SAMD10: variants seen among roughly 807,000 people sequenced by gnomAD.
SAMD10 encodes sterile alpha motif domain-containing protein 10.
Under a neutral mutation model 22.5 loss-of-function variants are expected in SAMD10, and 16 were observed. The observed-to-expected ratio is 0.71, with a 90% confidence interval of 0.48 to 1.08. The LOEUF (loss-of-function observed/expected upper bound fraction) is 1.08. SAMD10 is among the 50% of genes least tolerant of loss of function. SAMD10 has a pLI of 0.00. For synonymous variants in SAMD10, 118 were observed against 122.2 expected, an observed-to-expected ratio of 0.97 and a Z score of 0.23; for missense variants, 227 against 281.3, an observed-to-expected ratio of 0.81 and a Z score of 1.38.
Position 63,975,687 on chromosome 20 carries a change from C to G in SAMD10, c.586+5G>C, listed in dbSNP as rs776571207. ...CCCCAGGCCTCTCTGGCACCTCACA[C>G]TGACCTTGGCTGAGCAGCTGCAGGC... On this transcript the variant is annotated splice_donor_5th_base_variant and intron_variant, in intron 4 of 4. Transcript: ENST00000369886. 1.3e-6 allele frequency: 2 copies of G among 1,596,924 alleles called. No homozygotes were observed. Among genetic ancestry groups the G allele is most frequent in the Non-Finnish European group, 1.7e-6 (2 of 1,171,582 alleles).
At chr20:63,976,826 G>C (rs1187285800) in intron 3 of SAMD10, 145 bp downstream of exon 3, 6 of 638,650 alleles carry the variant, frequency 9.4e-6, no homozygotes, top group Non-Finnish European at 1.6e-5. Context: ...AGATTCTGCG[G>C]AGATGAAGAA....
chr20:63,979,271 A>G lies in SAMD10; in HGVS notation c.91+106T>C. 2 of 737,842 alleles carry G rather than the reference A, an allele frequency of 2.7e-6. No homozygotes were observed. The highest frequency in any genetic ancestry group is 1.9e-6 in the Non-Finnish European group (1 of 513,292). The allele number at this position is 737,842 out of a possible 1,614,324, so 45.7% of individuals were successfully genotyped here. A position where few individuals can be genotyped will look rare whatever the true frequency, so the allele number is the denominator to read the frequency against. On this transcript the variant is annotated intron_variant, in intron 1 of 4. Transcript: ENST00000369886. This position sits in a 1 kb window ranked among gnomAD's most constrained non-coding sequence, Gnocchi z 7.7. ...GCCGAGACATCCGCCGAATACCCCCAGCCACCGCCGCTCGAAGCCCGCCGG... is the reference window on the plus strand; with the variant it reads ...GCCGAGACATCCGCCGAATACCCCCGGCCACCGCCGCTCGAAGCCCGCCGG...
Position 63,979,226 on chromosome 20 carries a change from A to C in SAMD10, c.91+151T>G. ...CTGGCTGCCCCCTAAAGCAGGACAA[A>C]GGCTACGGGACCCCGTTGAGCCGAG... On this transcript the variant is annotated intron_variant, in intron 1 of 4. Transcript: ENST00000369886. The surrounding 1 kb of genome is among the most constrained non-coding windows in gnomAD (Gnocchi z 7.7). The C allele has an allele frequency of 3.7e-6, 2 of 537,306 alleles. No homozygotes were observed. Among genetic ancestry groups the C allele is most frequent in the Non-Finnish European group, 6.1e-6 (2 of 329,706 alleles). The allele number at this position is 537,306 out of a possible 1,614,324, so 33.3% of individuals were successfully genotyped here. A position where few individuals can be genotyped will look rare whatever the true frequency, so the allele number is the denominator to read the frequency against.
intron 1 of SAMD10, among the ~76,000 whole-genome samples, chr20:63,978,886 C>G (rs1176456430): frequency 1.3e-5 from 2 of 152,206 alleles, no homozygotes; most frequent in Non-Finnish European, 2.9e-5. Context: ...CTCCTCAGCC[C>G]GCACGGCACC....
Position 63,979,327 on chromosome 20 carries a change from C to G in SAMD10, c.91+50G>C. ...GCCCCGCCCCCGTGCCTCTGGGTCC[C>G]TGAGACCCCCGCCCGAGAAATCCCC... On this transcript the variant is annotated intron_variant, in intron 1 of 4. Coordinates refer to ENST00000369886, the MANE Select transcript of SAMD10 (RefSeq NM_080621.5). The surrounding 1 kb of genome is among the most constrained non-coding windows in gnomAD (Gnocchi z 7.7). The G allele has an allele frequency of 7.2e-7, 1 of 1,381,886 alleles. No individual in the cohort carries two copies. The highest frequency in any genetic ancestry group is 9.5e-7 in the Non-Finnish European group (1 of 1,051,768). The allele number at this position is 1,381,886 out of a possible 1,614,324, so 85.6% of individuals were successfully genotyped here.
At chr20:63,978,008 C>CCGCAAACA in intron 1 of SAMD10, among the ~76,000 whole-genome samples, 1 of 152,376 alleles carries the variant, frequency 6.6e-6, no homozygotes, top group South Asian at 2.1e-4. Flanking sequence ...AGGGCTCACT[C>CCGCAAACA]CGCAAACACG....
Position 63,975,550 on chromosome 20 carries a change from G to T in SAMD10, c.587-18C>A. On this transcript the variant is annotated intron_variant, in intron 4 of 4. Coordinates refer to ENST00000369886, the MANE Select transcript of SAMD10 (RefSeq NM_080621.5). The stretch of plus-strand genomic sequence containing the variant: ...GAAGGAAGCTGTGTGATGGAAGAGG[G>T]TGAGAATGGGGTGGGGTCTTTGGCA... The T allele has an allele frequency of 6.2e-7, 1 of 1,605,474 alleles. No homozygotes were observed. Among genetic ancestry groups the T allele is most frequent in the Non-Finnish European group, 8.5e-7 (1 of 1,177,500 alleles).
chr20:63,978,160 G>T (rs1428843313), intron 1 of SAMD10: 2 of 491,428 alleles, frequency 4.1e-6, no homozygotes, highest in Non-Finnish European at 7.5e-6. Flanking sequence ...GACCCACGGT[G>T]ATGCTCTGTG....
In SAMD10 at chr20:63,977,303, C is replaced by G. The variant is rs371822786; in HGVS notation, c.195G>C (p.Trp65Cys). Residue 65 changes from tryptophan (W) to cysteine (C), a missense_variant, in exon 2 of 5, where the codon TGG (tryptophan) becomes TGC (cysteine). Transcript: ENST00000369886. The surrounding 1 kb of genome is among the most constrained non-coding windows in gnomAD (Gnocchi z 5.4). ...LPRTPGTSLT[W>C]HDSRSQRAAS... The stretch of plus-strand genomic sequence containing the variant: ...CCGCCCTCTGGCTGCGGGAGTCATG[C>G]CACGTGAGGCTGGTGCCAGGTGTCC... 4.3e-5 allele frequency: 69 copies of G among 1,613,332 alleles called. No individual in the cohort carries two copies. The highest frequency in any genetic ancestry group is 1.8e-4 in the Middle Eastern group (1 of 5,500).
Position 63,979,340 on chromosome 20 carries a change from C to A in SAMD10, c.91+37G>T. The A allele has an allele frequency of 1.2e-5, 17 of 1,427,218 alleles. No individual in the cohort carries two copies. The highest frequency in any genetic ancestry group is 1.6e-5 in the Non-Finnish European group (17 of 1,083,656). 88.4% of individuals were successfully genotyped at this position (1,427,218 alleles called of 1,614,324 possible). On this transcript the variant is annotated intron_variant, in intron 1 of 4. Transcript: ENST00000369886. The surrounding 1 kb of genome is among the most constrained non-coding windows in gnomAD (Gnocchi z 7.7). The stretch of plus-strand genomic sequence containing the variant: ...GCCTCTGGGTCCCTGAGACCCCCGC[C>A]CGAGAAATCCCCGCTCCCCAATCCA...
chr20:63,979,307 GC>G lies in SAMD10; in HGVS notation c.91+69del. 2.3e-6 allele frequency: 1 copy of G among 440,046 alleles called. No homozygotes were observed. The highest frequency in any genetic ancestry group is 6.3e-5 in the Admixed American group (1 of 15,766). 27.3% of individuals were successfully genotyped at this position (440,046 alleles called of 1,614,324 possible). ...CTCGAAGCCCGCCGGGTCCCGCCCC[GC>G]CCCCGTGCCTCTGGGTCCCTGAGAC... On this transcript the variant is annotated intron_variant, in intron 1 of 4. Transcript: ENST00000369886. The surrounding 1 kb of genome is among the most constrained non-coding windows in gnomAD (Gnocchi z 7.7).
chr20:63,977,589 A>G lies in SAMD10; in HGVS notation c.92-183T>C, dbSNP rs2059034096. 6.6e-6 allele frequency among the ~76,000 whole-genome samples: 1 copy of G among 152,240 alleles called. No homozygotes were observed. The highest frequency in any genetic ancestry group is 2.4e-5 in the African/African-American group (1 of 41,458). On this transcript the variant is annotated intron_variant, in intron 1 of 4. Coordinates refer to ENST00000369886, the MANE Select transcript of SAMD10 (RefSeq NM_080621.5). This position sits in a 1 kb window ranked among gnomAD's most constrained non-coding sequence, Gnocchi z 5.4. ...AGGACCTGTTTCGAGGACCTCACCC[A>G]GCACAAAAAGAGAAGAACTGGAAAC...
chr20:63,978,230 G>A (rs2059038591), intron 1 of SAMD10: 2 of 968,598 alleles, frequency 2.1e-6, no homozygotes, highest in Non-Finnish European at 2.9e-6. Flanking sequence ...CATCATCTCT[G>A]GGGGCACTGC....
Position 63,977,163 on chromosome 20 carries a change from A to G in SAMD10, c.274-21T>C. The G allele has an allele frequency of 6.4e-7, 1 of 1,565,170 alleles. No individual in the cohort carries two copies. The highest frequency in any genetic ancestry group is 8.7e-7 in the Non-Finnish European group (1 of 1,148,700). On this transcript the variant is annotated intron_variant, in intron 2 of 4. Transcript: ENST00000369886. This position sits in a 1 kb window ranked among gnomAD's most constrained non-coding sequence, Gnocchi z 5.4. ...CGGCCCTGCAGGGGAGGGGCGTGGC[A>G]GGCAGAGTGAGAGTGGTGGAGAAGG...
At chr20:63,978,335 T>C (rs1250989234) in intron 1 of SAMD10, 5 of 1,299,276 alleles carry the variant, frequency 3.8e-6, no homozygotes, top group Non-Finnish European at 5.1e-6. Context: ...ATGAAGGCTC[T>C]GTATGGTATC....
Position 63,974,991 on chromosome 20 carries a change from T to TG in SAMD10, c.*518dup, listed in dbSNP as rs2059011529. On this transcript the variant is annotated 3_prime_UTR_variant, in exon 5 of 5. Coordinates refer to ENST00000369886, the MANE Select transcript of SAMD10 (RefSeq NM_080621.5). ...TACTCTAGATGATGGGTTGGCCTGC[T>TG]GGGCCCTGGCAGGTGCATGGGCACA... 1 of 172,106 alleles carries TG rather than the reference T, an allele frequency of 5.8e-6. No individual in the cohort carries two copies. The highest frequency in any genetic ancestry group is 1.2e-4 in the South Asian group (1 of 8,152). 10.7% of individuals were successfully genotyped at this position (172,106 alleles called of 1,614,324 possible).
At chr20:63,976,392 A>C (rs911934757) in intron 3 of SAMD10, among the ~76,000 whole-genome samples, 19 of 152,032 alleles carry the variant, frequency 1.2e-4, no homozygotes, top group African/African-American at 4.1e-4. Flanking sequence ...AGGGAAAGGA[A>C]GGAGAGCAAA....
intron 3 of SAMD10, among the ~76,000 whole-genome samples, chr20:63,976,088 A>C (rs2059020303): frequency 6.6e-6 from 1 of 151,992 alleles, no homozygotes; most frequent in Non-Finnish European, 1.5e-5. Flanking sequence ...CGGGAGGATC[A>C]CTTGAACCTG....
chr20:63,976,055 C>A (rs2059020023), intron 3 of SAMD10, among the ~76,000 whole-genome samples: 1 of 152,212 alleles, frequency 6.6e-6, no homozygotes, highest in African/African-American at 2.4e-5. Flanking sequence ...CGCCTGTAGT[C>A]CCAGCTACTC....
Sources: gnomAD v4.1 joint callset for allele counts (sites outside exome capture counted in the v4.1 genomes callset) on GRCh38, gnomAD v4.1.1 for gene constraint, Gnocchi (gnomAD v3.1) non-coding constraint, MANE v1.5 for transcripts, NCBI Gene and HGNC (gene_info 2026-07-23, HGNC 2026-07-21) for gene names.